Variants in SGMS1 observed in about 807,000 individuals in gnomAD.
SGMS1 encodes the protein sphingomyelin synthase 1, also known as phosphatidylcholine:ceramide cholinephosphotransferase 1.
SGMS1 carries 13 observed loss-of-function variants against 46.2 expected under a neutral mutation model. That is an observed-to-expected ratio of 0.28 (90% confidence interval 0.18 to 0.45). SGMS1 has a LOEUF of 0.45. Ranked by LOEUF, SGMS1 falls within the 20% of genes least tolerant of loss-of-function variation. The pLI is 1.00. For missense variants in SGMS1, 324 were observed against 519.9 expected (o/e 0.62, Z 3.66); for synonymous variants, 203 against 187.8 (o/e 1.08, Z -0.66).
intron 2 of SGMS1, among the ~76,000 whole-genome samples, chr10:50,556,568 G>A (rs777431266): frequency 6.6e-6 from 1 of 152,192 alleles, no homozygotes; most frequent in Non-Finnish European, 1.5e-5. Flanking sequence ...AAGGAGGCCA[G>A]AGTGAATGGA....
At chr10:50,398,545 G>T (rs1346420948) in intron 6 of SGMS1, among the ~76,000 whole-genome samples, 1 of 152,168 alleles carries the variant, frequency 6.6e-6, no homozygotes, top group Non-Finnish European at 1.5e-5. Flanking sequence ...GATGTCATAA[G>T]TGAGAACTTT....
At chr10:50,458,983 G>T (rs1045815295) in intron 5 of SGMS1, among the ~76,000 whole-genome samples, 3 of 152,126 alleles carry the variant, frequency 2.0e-5, no homozygotes, top group African/African-American at 7.2e-5. Context: ...CCAAAACTAA[G>T]TACTTGAATA....
chr10:50,458,339 CTTTTTTTTTTTTTTT>C (rs750349777), intron 5 of SGMS1, among the ~76,000 whole-genome samples: 1,079 of 97,226 alleles, frequency 0.011, 16 homozygotes, highest in Middle Eastern at 0.017. Flanking sequence ...TTCTTTTTCT[CTTTTTTTTTTTTTTT>C]TTTTTTTTTT....
chr10:50,514,961 G>C (rs963712447), intron 3 of SGMS1, among the ~76,000 whole-genome samples: 6 of 152,156 alleles, frequency 3.9e-5, no homozygotes, highest in African/African-American at 1.4e-4. Flanking sequence ...GGAATTTTTT[G>C]CACGCATCAA....
intron 6 of SGMS1, among the ~76,000 whole-genome samples, chr10:50,352,102 A>G (rs984920542): frequency 2.0e-5 from 3 of 152,232 alleles, no homozygotes; most frequent in African/African-American, 4.8e-5. Flanking sequence ...AACTTGAAAT[A>G]AAGGTATACA....
At chr10:50,415,733 AC>A (rs1428834206) in intron 6 of SGMS1, among the ~76,000 whole-genome samples, 3 of 152,068 alleles carry the variant, frequency 2.0e-5, no homozygotes, top group African/African-American at 7.2e-5. Context: ...AGACTTTCTC[AC>A]CTCCACATAA....
intron 3 of SGMS1, among the ~76,000 whole-genome samples, chr10:50,488,820 G>A (rs1178137210): frequency 6.6e-6 from 1 of 152,154 alleles, no homozygotes; most frequent in Non-Finnish European, 1.5e-5. Context: ...GGATAATTGA[G>A]GTTTTTCCAA....
At chr10:50,618,800 G>A (rs907056134) in intron 1 of SGMS1, among the ~76,000 whole-genome samples, 1 of 152,190 alleles carries the variant, frequency 6.6e-6, no homozygotes, top group African/African-American at 2.4e-5. Context: ...TAGAGCAGCG[G>A]TTCTCAAACT....
intron 7 of SGMS1, among the ~76,000 whole-genome samples, chr10:50,333,294 C>G (rs1847656562): frequency 6.6e-6 from 1 of 152,184 alleles, no homozygotes; most frequent in Admixed American, 6.5e-5. Context: ...CAGTTTTGTG[C>G]TCTAGAGCTT....
At chr10:50,427,292 C>A (rs1340287425) in intron 6 of SGMS1, among the ~76,000 whole-genome samples, 2 of 151,910 alleles carry the variant, frequency 1.3e-5, no homozygotes, top group Non-Finnish European at 2.9e-5. Flanking sequence ...CCAGCTACTC[C>A]GGAGGCTGAG....
intron 1 of SGMS1, among the ~76,000 whole-genome samples, chr10:50,592,144 C>A (rs181293737): frequency 3.9e-5 from 6 of 152,132 alleles, no homozygotes; most frequent in Admixed American, 1.3e-4. Context: ...AACACTTAGA[C>A]CCCCAGGAAT....
At chr10:50,624,069 C>CG (rs1191881330), upstream of SGMS1, 3 of 985,324 alleles carry the variant, frequency 3.0e-6, no homozygotes, top group African/African-American at 1.7e-5. Flanking sequence ...GCGGGGTCCG[C>CG]GGGGGGCTCC....
At chr10:50,357,324 A>T (rs1316174447) in intron 6 of SGMS1, among the ~76,000 whole-genome samples, 1 of 152,212 alleles carries the variant, frequency 6.6e-6, no homozygotes, top group Admixed American at 6.5e-5. Flanking sequence ...GGTAATGAAA[A>T]AAAAAATTAC....
chr10:50,408,759 T>G (rs1222796713), intron 6 of SGMS1, among the ~76,000 whole-genome samples: 1 of 151,860 alleles, frequency 6.6e-6, no homozygotes, highest in Admixed American at 6.6e-5. Context: ...TCCCAGCTAT[T>G]GGGTCGGGGG....
intron 8 of SGMS1, among the ~76,000 whole-genome samples, chr10:50,312,754 T>C (rs1564871078): frequency 6.6e-6 from 1 of 152,210 alleles, no homozygotes; most frequent in East Asian, 1.9e-4. Context: ...TATACTCTTT[T>C]CCAGGAATCA....
intron 3 of SGMS1, among the ~76,000 whole-genome samples, chr10:50,494,274 C>G (rs545909194): frequency 1.3e-5 from 2 of 152,174 alleles, no homozygotes; most frequent in Non-Finnish European, 1.5e-5. Context: ...CATTCCAATA[C>G]TGGGTATACA....
At chr10:50,397,467 TCA>T (rs1450455438) in intron 6 of SGMS1, among the ~76,000 whole-genome samples, 3 of 152,188 alleles carry the variant, frequency 2.0e-5, no homozygotes, top group Non-Finnish European at 2.9e-5. Context: ...GCAGATAAAG[TCA>T]GTTTGCTTTA....
intron 6 of SGMS1, among the ~76,000 whole-genome samples, chr10:50,372,279 G>C (rs563050925): frequency 5.1e-4 from 78 of 152,286 alleles, no homozygotes; most frequent in Admixed American, 1.8e-3. Flanking sequence ...CACAGTATGA[G>C]ACCTATTATA....
In SGMS1 at chr10:50,307,367, T is replaced by G; in HGVS notation, c.1063-46A>C. 6.4e-7 allele frequency: 1 copy of G among 1,568,068 alleles called. No individual in the cohort carries two copies. Among genetic ancestry groups the G allele is most frequent in the Non-Finnish European group, 8.7e-7 (1 of 1,149,086 alleles). Reference sequence around the variant, plus strand: ...AAACACATTTCTTACAATCTTTCACTTTAAGTTCAAATACTTGCCACGCTA... The same window carrying G: ...AAACACATTTCTTACAATCTTTCACGTTAAGTTCAAATACTTGCCACGCTA... On this transcript the variant is annotated intron_variant, in intron 10 of 10. Coordinates refer to ENST00000361781, the MANE Select transcript of SGMS1 (RefSeq NM_147156.4). This position sits in a 1 kb window ranked among gnomAD's most constrained non-coding sequence, Gnocchi z 4.2.
Sources: gnomAD v4.1 joint callset for allele counts (sites outside exome capture counted in the v4.1 genomes callset) on GRCh38, gnomAD v4.1.1 for gene constraint, Gnocchi (gnomAD v3.1) non-coding constraint, MANE v1.5 for transcripts, NCBI Gene and HGNC (gene_info 2026-07-23, HGNC 2026-07-21) for gene names.